HACD2: variants seen among roughly 807,000 people sequenced by gnomAD.
The protein encoded by HACD2 is 3-hydroxyacyl-CoA dehydratase 2, also known as very-long-chain (3R)-3-hydroxyacyl-CoA dehydratase 2.
HACD2 carries 15 observed loss-of-function variants against 31.0 expected under a neutral mutation model. The ratio of observed to expected loss-of-function variants is 0.48; its 90% CI spans 0.32 to 0.75. HACD2 has a LOEUF of 0.75. Ranked by LOEUF, HACD2 falls within the 30% of genes least tolerant of loss-of-function variation. HACD2 has a pLI of 0.03. For missense variants in HACD2, 283 were observed against 313.0 expected (o/e 0.90, Z 0.72); for synonymous variants, 115 against 122.2 (o/e 0.94, Z 0.39).
At chr3:123,508,022 T>C (rs2056000946) in intron 4 of HACD2, among the ~76,000 whole-genome samples, 1 of 152,026 alleles carries the variant, frequency 6.6e-6, no homozygotes, top group Admixed American at 6.6e-5. Context: ...AAAAGGAGTT[T>C]GCTTTAAATA....
chr3:123,502,720 A>G, intron 4 of HACD2, 39 bp from the exon 5 acceptor site: 1 of 1,562,472 alleles, frequency 6.4e-7, no homozygotes, highest in Non-Finnish European at 8.7e-7. Context: ...AAACACACAG[A>G]CAACGTTAAT....
chr3:123,558,300 A>G (rs540260329), intron 3 of HACD2, among the ~76,000 whole-genome samples: 1 of 152,230 alleles, frequency 6.6e-6, no homozygotes, highest in South Asian at 2.1e-4. Context: ...GACAAGCCCC[A>G]GAGTGGGAGT....
At chr3:123,574,310 T>C (rs1319276939) in intron 2 of HACD2, among the ~76,000 whole-genome samples, 1 of 152,234 alleles carries the variant, frequency 6.6e-6, no homozygotes, top group Non-Finnish European at 1.5e-5. Flanking sequence ...TCTTGACACT[T>C]GGTCATGGCA....
intron 5 of HACD2, 26 bp downstream of exon 5, chr3:123,502,534 G>T (rs746201316): frequency 1.7e-5 from 28 of 1,605,712 alleles, no homozygotes; most frequent in South Asian, 1.2e-4. Flanking sequence ...TTTCAAAAGT[G>T]AGCCTTTTGA....
At position 123,516,614 on chromosome 3, in the gene HACD2, A is replaced by AT. The variant is rs1559906263; in HGVS notation, c.381+11771dup. On this transcript the variant is annotated intron_variant, in intron 4 of 6. Transcript: ENST00000383657. ...ATTACAACACCAATAACTGAGAACT[A>AT]TTTTTTTGATGTGAATAATGGACTA... Among the ~76,000 whole-genome samples, 8 of 152,292 alleles carry AT rather than the reference A, an allele frequency of 5.3e-5. No homozygotes were observed. The South Asian group carries it at 1.7e-3, about 32-fold the overall frequency.
At chr3:123,524,317 T>C (rs2056252102) in intron 4 of HACD2, among the ~76,000 whole-genome samples, 1 of 152,218 alleles carries the variant, frequency 6.6e-6, no homozygotes, top group South Asian at 2.1e-4. Flanking sequence ...TATGCGTTTT[T>C]AATAAGCCCT....
chr3:123,501,445 T>C (rs923166293), intron 5 of HACD2, among the ~76,000 whole-genome samples: 1 of 152,242 alleles, frequency 6.6e-6, no homozygotes, highest in Non-Finnish European at 1.5e-5. Flanking sequence ...GCTCAGACTT[T>C]AAACAGCCTT....
At chr3:123,545,427 A>G (rs2107725259) in intron 3 of HACD2, among the ~76,000 whole-genome samples, 1 of 151,588 alleles carries the variant, frequency 6.6e-6, no homozygotes, top group East Asian at 1.9e-4. Context: ...GGTTGCAGTG[A>G]GCCAAGATCA....
chr3:123,553,054 T>C (rs1300273752), intron 3 of HACD2, among the ~76,000 whole-genome samples: 1 of 152,142 alleles, frequency 6.6e-6, no homozygotes, highest in Non-Finnish European at 1.5e-5. Flanking sequence ...TTTAAAACTA[T>C]AGTCTAATAA....
At chr3:123,563,636 AATATAT>A (rs199584661) in intron 3 of HACD2, among the ~76,000 whole-genome samples, 169 of 90,868 alleles carry the variant, frequency 1.9e-3, no homozygotes, top group African/African-American at 0.01. Context: ...TTGACAAAAA[AATATAT>A]ATACACACAC....
chr3:123,509,242 G>C (rs1432430983), intron 4 of HACD2, among the ~76,000 whole-genome samples: 1 of 151,736 alleles, frequency 6.6e-6, no homozygotes, highest in Non-Finnish European at 1.5e-5. Flanking sequence ...CTATTAGCTG[G>C]GCATGGTGGC....
chr3:123,543,982 T>C (rs984591274), intron 3 of HACD2, among the ~76,000 whole-genome samples: 1 of 152,152 alleles, frequency 6.6e-6, no homozygotes. Context: ...AAGAACTGTT[T>C]GGGGGTAACA....
In HACD2 at chr3:123,500,753, A is replaced by G. The variant is rs2055892887; in HGVS notation, c.504-60T>C. 1.3e-5 allele frequency: 14 copies of G among 1,117,308 alleles called. No homozygotes were observed. In the East Asian group the frequency reaches 3.3e-4, roughly 27 times the overall value. The allele number at this position is 1,117,308 out of a possible 1,614,324, so 69.2% of individuals were successfully genotyped here. A position where few individuals can be genotyped will look rare whatever the true frequency, so the allele number is the denominator to read the frequency against. ...AAAGTCAGCTTTAGAAGGAAGCTGC[A>G]CTTCCCACCCTTCTAATCAGTACTG... On this transcript the variant is annotated intron_variant, in intron 5 of 6. Coordinates refer to ENST00000383657, the MANE Select transcript of HACD2 (RefSeq NM_198402.5).
chr3:123,566,187 G>A (rs570815907), intron 3 of HACD2, among the ~76,000 whole-genome samples: 4 of 152,232 alleles, frequency 2.6e-5, no homozygotes, highest in East Asian at 1.9e-4. Context: ...AGAAACATAC[G>A]TATAAAATTT....
intron 3 of HACD2, among the ~76,000 whole-genome samples, chr3:123,531,559 G>A (rs1024272648): frequency 2.0e-5 from 3 of 151,828 alleles, no homozygotes; most frequent in Admixed American, 6.6e-5. Context: ...CCGCTGCCTC[G>A]GTCTCCCAAA....
At chr3:123,557,212 T>C (rs1213468943) in intron 3 of HACD2, among the ~76,000 whole-genome samples, 1 of 152,200 alleles carries the variant, frequency 6.6e-6, no homozygotes, top group Non-Finnish European at 1.5e-5. Context: ...TGAACCCTAG[T>C]GTCAACTGTG....
intron 3 of HACD2, among the ~76,000 whole-genome samples, chr3:123,542,995 T>C (rs897135411): frequency 1.3e-5 from 2 of 152,234 alleles, no homozygotes; most frequent in African/African-American, 4.8e-5. Context: ...CTCTGATTCT[T>C]GCTGTTTGGG....
rs114612554 is a variant in HACD2 at position 123,545,099 on chromosome 3, G to T, written c.293-16625C>A. ...ATTATTTCTGGGTAATGAGATCAAGGGTGTTATTTACCTTCTTCTTTAGTA... is the reference window on the plus strand; with the variant it reads ...ATTATTTCTGGGTAATGAGATCAAGTGTGTTATTTACCTTCTTCTTTAGTA... On this transcript the variant is annotated intron_variant, in intron 3 of 6. Coordinates refer to ENST00000383657, the MANE Select transcript of HACD2 (RefSeq NM_198402.5). Among the ~76,000 whole-genome samples, 1,139 of 148,536 alleles carry T rather than the reference G, an allele frequency of 7.7e-3. 4 individuals carry two copies. Among genetic ancestry groups the T allele is most frequent in the Non-Finnish European group, 0.013 (871 of 67,334 alleles).
intron 4 of HACD2, among the ~76,000 whole-genome samples, chr3:123,517,515 C>T (rs1240629211): frequency 2.0e-5 from 3 of 152,078 alleles, no homozygotes; most frequent in Non-Finnish European, 4.4e-5. Flanking sequence ...AGTGATAGTC[C>T]TTTAACTCCA....
Sources: allele counts gnomAD v4.1 joint callset (sites outside exome capture counted in the v4.1 genomes callset), GRCh38; gene constraint gnomAD v4.1.1; transcripts MANE v1.5; gene names NCBI Gene and HGNC (gene_info 2026-07-23, HGNC 2026-07-21).